Variants in CCBE1 observed in about 807,000 individuals in gnomAD.
CCBE1 encodes collagen and calcium-binding EGF domain-containing protein 1.
A neutral mutation model predicts 50.0 loss-of-function variants in CCBE1; 37 were observed. The ratio of observed to expected loss-of-function variants is 0.74; its 90% CI spans 0.57 to 0.97. CCBE1 has a LOEUF of 0.97. CCBE1 is among the 50% of genes least tolerant of loss of function. CCBE1 has a pLI of 0.00. For missense variants in CCBE1, 538 were observed against 523.8 expected, an observed-to-expected ratio of 1.03 and a Z score of -0.26; for synonymous variants, 234 against 203.7, an observed-to-expected ratio of 1.15 and a Z score of -1.27.
chr18:59,505,831 C>T (rs1038362583), intron 2 of CCBE1, among the ~76,000 whole-genome samples: 2 of 152,142 alleles, frequency 1.3e-5, no homozygotes, highest in Non-Finnish European at 2.9e-5. Context: ...AAGAAACTTA[C>T]TAAAGGGATG....
intron 2 of CCBE1, among the ~76,000 whole-genome samples, chr18:59,689,837 G>A (rs572282720): frequency 4.6e-5 from 7 of 152,222 alleles, no homozygotes; most frequent in East Asian, 1.9e-4. Context: ...AGAAACTTGC[G>A]GTACATGCTA....
chr18:59,664,361 CAGAG>C (rs1267111134), intron 2 of CCBE1, among the ~76,000 whole-genome samples: 2 of 152,162 alleles, frequency 1.3e-5, no homozygotes, highest in Admixed American at 6.5e-5. Flanking sequence ...TGACTGACAT[CAGAG>C]AGAAAGGACA....
chr18:59,448,045 A>G lies in CCBE1; in HGVS notation c.713T>C (p.Val238Ala). ...TGGAAGGTAGGTGTTTGAGGCCAGC[A>G]CCTTGTCACCAGTGATATACTTGCC... The part of the protein sequence containing the change: ...DLGKYITGDK[V>A]LASNTYLPGP... Residue 238 changes from valine (V) to alanine (A), a missense_variant, in exon 7 of 11, where the codon GTG (valine) becomes GCG (alanine). By Grantham distance (64) the Val-to-Ala change is moderately conservative (BLOSUM62 0). Coordinates refer to ENST00000439986, the MANE Select transcript of CCBE1 (RefSeq NM_133459.4). 6.2e-7 allele frequency: 1 copy of G among 1,614,120 alleles called. No homozygotes were observed. Among genetic ancestry groups the G allele is most frequent in the South Asian group, 1.1e-5 (1 of 91,062 alleles).
intron 5 of CCBE1, among the ~76,000 whole-genome samples, chr18:59,461,838 T>A (rs1911498138): frequency 6.7e-6 from 1 of 150,180 alleles, no homozygotes; most frequent in Non-Finnish European, 1.5e-5. Flanking sequence ...GTTCAAGCGA[T>A]TCTCCTGCCT....
At position 59,433,341 on chromosome 18, in the gene CCBE1, C is replaced by G. The variant is rs1343346133; in HGVS notation, c.*2567G>C. On this transcript the variant is annotated 3_prime_UTR_variant, in exon 11 of 11. Coordinates refer to ENST00000439986, the MANE Select transcript of CCBE1 (RefSeq NM_133459.4). ...CCTTGAACTCCTGGGCTCAAGGGAT[C>G]CTCTCGCTCACTTTTTTTAAAGTGA... The G allele has an allele frequency of 2.6e-5, 4 of 151,624 alleles. No individual in the cohort carries two copies. Among genetic ancestry groups the G allele is most frequent in the Non-Finnish European group, 5.9e-5 (4 of 67,952 alleles). 9.4% of individuals were successfully genotyped at this position (151,624 alleles called of 1,614,324 possible).
At chr18:59,553,977 A>G (rs533427735) in intron 2 of CCBE1, among the ~76,000 whole-genome samples, 9 of 152,294 alleles carry the variant, frequency 5.9e-5, no homozygotes, top group Admixed American at 5.9e-4. Context: ...GTTAATGATC[A>G]ATGTTCGAAT....
Position 59,696,666 on chromosome 18 carries a change from A to G in CCBE1, c.175T>C (p.Cys59Arg). 1.2e-6 allele frequency: 2 copies of G among 1,614,054 alleles called. No individual in the cohort carries two copies. The highest frequency in any genetic ancestry group is 1.7e-6 in the Non-Finnish European group (2 of 1,179,948). Residue 59 changes from cysteine to arginine, a missense_variant, in exon 2 of 11, where the codon TGT becomes CGT. Coordinates refer to ENST00000439986, the MANE Select transcript of CCBE1 (RefSeq NM_133459.4). ...GTGAGCTCGCCTGAAGACTTCAGAC[A>G]CGGGTATTTAGTCGTCGCGATTTTG... ...ESKIATTKYP[C>R]LKSSGELTTC... is the part of the protein sequence containing the mutation.
At chr18:59,506,796 A>C (rs1913894578) in intron 2 of CCBE1, among the ~76,000 whole-genome samples, 1 of 152,220 alleles carries the variant, frequency 6.6e-6, no homozygotes, top group Non-Finnish European at 1.5e-5. Flanking sequence ...TGGAGCAAAC[A>C]AAAGATTAAA....
chr18:59,556,446 A>G (rs565435005), intron 2 of CCBE1, among the ~76,000 whole-genome samples: 31 of 152,294 alleles, frequency 2.0e-4, no homozygotes, highest in Non-Finnish European at 3.8e-4. Context: ...GCAGATGACT[A>G]ATGAACGCTC....
intron 3 of CCBE1, among the ~76,000 whole-genome samples, chr18:59,475,905 G>T (rs532318055): frequency 6.6e-6 from 1 of 152,276 alleles, no homozygotes; most frequent in South Asian, 2.1e-4. Flanking sequence ...TTTTAGTAGA[G>T]TCAGGGTTTC....
chr18:59,536,762 G>C (rs1915266347), intron 2 of CCBE1, among the ~76,000 whole-genome samples: 1 of 152,186 alleles, frequency 6.6e-6, no homozygotes, highest in East Asian at 1.9e-4. Context: ...GGCCGAGGTG[G>C]GCAGATCACG....
intron 2 of CCBE1, among the ~76,000 whole-genome samples, chr18:59,573,390 C>T (rs754928649): frequency 2.2e-4 from 33 of 150,586 alleles, no homozygotes; most frequent in East Asian, 5.9e-4. Flanking sequence ...TACCTCCAGA[C>T]GGCAACACAA....
chr18:59,447,973 C>G lies in CCBE1; in HGVS notation c.775+10G>C. 6.2e-7 allele frequency: 1 copy of G among 1,614,070 alleles called. No individual in the cohort carries two copies. Among genetic ancestry groups the G allele is most frequent in the East Asian group, 2.2e-5 (1 of 44,870 alleles). On this transcript the variant is annotated intron_variant, in intron 7 of 10. Coordinates refer to ENST00000439986, the MANE Select transcript of CCBE1 (RefSeq NM_133459.4). ...GGTGATCACCCTCCTGTGCCCTCTT[C>G]CACACTCACCGGGAGGGCCCTGGCC... is the stretch of plus-strand genomic sequence containing the variant.
intron 2 of CCBE1, among the ~76,000 whole-genome samples, chr18:59,541,592 C>T (rs746740386): frequency 2.5e-4 from 38 of 152,062 alleles, no homozygotes; most frequent in Non-Finnish European, 4.4e-4. Flanking sequence ...TTCAGATCTT[C>T]CGAGAAACAG....
At position 59,454,851 on chromosome 18, in the gene CCBE1, C is replaced by G. The variant is rs765432175; in HGVS notation, c.654G>C (p.Lys218Asn). 3.1e-6 allele frequency: 5 copies of G among 1,613,980 alleles called. No homozygotes were observed. Among genetic ancestry groups the G allele is most frequent in the Non-Finnish European group, 4.2e-6 (5 of 1,179,814 alleles). ...TCGTTCCCACCCCAGCGGCACGTAC[C>G]TTTTGCTTCAGCTGCAGCACGGTCT... ...MKQTVLQLKQKIALLPNNAAD... is the reference protein window; with the variant it reads ...MKQTVLQLKQNIALLPNNAAD... Residue 218 changes from lysine (K) to asparagine (N), a missense_variant and splice_region_variant, in exon 6 of 11, where the codon AAG (lysine) becomes AAC (asparagine). By Grantham distance (94) the Lys-to-Asn change is moderately conservative (BLOSUM62 0). Coordinates refer to ENST00000439986, the MANE Select transcript of CCBE1 (RefSeq NM_133459.4).
Position 59,603,484 on chromosome 18 carries a change from C to T in CCBE1, c.212+93145G>A, listed in dbSNP as rs184538418. 1.2e-3 allele frequency among the ~76,000 whole-genome samples: 176 copies of T among 152,290 alleles called. 1 individual carries two copies. The South Asian group carries it at 0.015, about 13-fold the overall frequency. On this transcript the variant is annotated intron_variant, in intron 2 of 10. Transcript: ENST00000439986. ...GTAAAACATCTGATTTAAATATAGT[C>T]TCTGGCCTCCTCCAGGGAAGATACC... is the stretch of plus-strand genomic sequence containing the variant.
chr18:59,509,935 T>C (rs1914058846), intron 2 of CCBE1, among the ~76,000 whole-genome samples: 1 of 151,476 alleles, frequency 6.6e-6, no homozygotes, highest in Non-Finnish European at 1.5e-5. Context: ...GGGAGGGGAG[T>C]GGCTGTGCAC....
intron 2 of CCBE1, among the ~76,000 whole-genome samples, chr18:59,650,035 C>T (rs975191341): frequency 1.3e-5 from 2 of 152,056 alleles, no homozygotes; most frequent in Admixed American, 1.3e-4. Flanking sequence ...CCATCTCCAC[C>T]CAGCTGGGAG....
intron 2 of CCBE1, among the ~76,000 whole-genome samples, chr18:59,678,288 C>T (rs1435892099): frequency 6.6e-6 from 1 of 152,096 alleles, no homozygotes; most frequent in Non-Finnish European, 1.5e-5. Flanking sequence ...ACAGAAGGAC[C>T]AGGGGGGTGT....
Sources: gnomAD v4.1 joint callset for allele counts (sites outside exome capture counted in the v4.1 genomes callset) on GRCh38, gnomAD v4.1.1 for gene constraint, MANE v1.5 for transcripts, NCBI Gene and HGNC (gene_info 2026-07-23, HGNC 2026-07-21) for gene names.